Variants in ZNF341 observed in about 807,000 individuals in gnomAD.
The protein encoded by ZNF341 is zinc finger protein 341.
ZNF341 carries 52 observed loss-of-function variants against 87.7 expected under a neutral mutation model. That is an observed-to-expected ratio of 0.59 (90% CI 0.47 to 0.75). The LOEUF (loss-of-function observed/expected upper bound fraction) is 0.75. Ranked by LOEUF, ZNF341 falls within the 30% of genes least tolerant of loss-of-function variation. The pLI, the probability that ZNF341 is intolerant of heterozygous loss-of-function variation, is 0.00. For synonymous variants in ZNF341, 459 were observed against 472.7 expected (o/e 0.97, Z 0.38); for missense variants, 977 against 1,145.9 (o/e 0.85, Z 2.13).
At chr20:33,787,927 A>ACTCCTCTC (rs2019902225) in intron 12 of ZNF341, 1 of 151,434 alleles carries the variant, frequency 6.6e-6, no homozygotes, top group South Asian at 2.1e-4. Context: ...CTCATCCTTG[A>ACTCCTCTC]CTCCTCTCCT....
chr20:33,766,730 A>G lies in ZNF341; in HGVS notation c.1223-121A>G, dbSNP rs964410421. The G allele has an allele frequency of 6.7e-6, 7 of 1,045,696 alleles. No individual in the cohort carries two copies. In the African/African-American group the frequency reaches 9.5e-5, roughly 14 times the overall value. 64.8% of individuals were successfully genotyped at this position (1,045,696 alleles called of 1,614,324 possible). ...TGTGAGTGCAGCACCTTAAGCACAG[A>G]GTCTGACCCAAAGCGAGTAGCAGGT... On this transcript the variant is annotated intron_variant, in intron 8 of 14. Coordinates refer to ENST00000375200, the MANE Select transcript of ZNF341 (RefSeq NM_001282933.2).
At chr20:33,784,015 T>C in intron 12 of ZNF341, 151 bp downstream of exon 12, 1 of 658,172 alleles carries the variant, frequency 1.5e-6, no homozygotes, top group Non-Finnish European at 2.5e-6. Flanking sequence ...TCCCTCCCCA[T>C]CTCACTCAGT....
At chr20:33,749,258 C>G (rs562569897) in intron 4 of ZNF341, among the ~76,000 whole-genome samples, 186 bp downstream of exon 4, 1 of 152,140 alleles carries the variant, frequency 6.6e-6, no homozygotes, top group African/African-American at 2.4e-5. Flanking sequence ...GGTGGGGACC[C>G]AGAACATGTG....
intron 10 of ZNF341, 34 bp downstream of exon 10, chr20:33,770,326 A>G: frequency 3.4e-5 from 17 of 505,028 alleles, no homozygotes; most frequent in Non-Finnish European, 4.9e-5. Flanking sequence ...CCCTGGGTGG[A>G]CGGGTGGGTG....
At chr20:33,790,072 ATT>A (rs11470365) in intron 14 of ZNF341, among the ~76,000 whole-genome samples, 5,700 of 140,798 alleles carry the variant, frequency 0.04, 375 homozygotes, top group African/African-American at 0.14. Flanking sequence ...GGGCCAGATA[ATT>A]TTTTTTTTTT....
chr20:33,770,278 C>A lies in ZNF341; in HGVS notation c.1608C>A (p.Asp536Glu), dbSNP rs2019502187. Residue 536 changes from aspartate (D) to glutamate (E), a missense_variant, in exon 10 of 15, where the codon GAC becomes GAA. Physicochemically the swap from Asp to Glu is conservative, Grantham distance 45. Coordinates refer to ENST00000375200, the MANE Select transcript of ZNF341 (RefSeq NM_001282933.2). ...SLLPQHSPKK[D>E]NAVYKCVKCV... ...TGCCACAGCACAGCCCCAAGAAGGA[C>A]AATGCCGTCTACAAGTAAGTGCCTC... 2 of 1,360,592 alleles carry A rather than the reference C, an allele frequency of 1.5e-6. No individual in the cohort carries two copies. Among genetic ancestry groups the A allele is most frequent in the Admixed American group, 1.9e-5 (1 of 51,586 alleles). The allele number at this position is 1,360,592 out of a possible 1,614,324, so 84.3% of individuals were successfully genotyped here.
At chr20:33,751,830 A>G (rs971847834) in intron 4 of ZNF341, among the ~76,000 whole-genome samples, 1 of 151,976 alleles carries the variant, frequency 6.6e-6, no homozygotes, top group African/African-American at 2.4e-5. Flanking sequence ...CAGCCTCCCA[A>G]AGTGTTGAGA....
At position 33,753,287 on chromosome 20, in the gene ZNF341, A is replaced by G; in HGVS notation, c.605A>G (p.Gln202Arg). 1.2e-6 allele frequency: 2 copies of G among 1,611,908 alleles called. No individual in the cohort carries two copies. The highest frequency in any genetic ancestry group is 8.5e-7 in the Non-Finnish European group (1 of 1,179,470). The change falls in exon 5 of 15, where the codon CAG becomes CGG. Residue 202 changes from glutamine (Q) to arginine (R), a missense_variant. Gln to Arg is a conservative substitution (Grantham distance 43, BLOSUM62 1). Coordinates refer to ENST00000375200, the MANE Select transcript of ZNF341 (RefSeq NM_001282933.2). ...CCTCAGCCTCCACCACCTCCACCCCAGAGCCTGGGCCCCCCTGGGCGTCCC... is the reference window on the plus strand; with the variant it reads ...CCTCAGCCTCCACCACCTCCACCCCGGAGCCTGGGCCCCCCTGGGCGTCCC... ...PPPQPPPPPP[Q>R]SLGPPGRPNP...
chr20:33,762,447 A>G (rs1568945693), intron 8 of ZNF341, among the ~76,000 whole-genome samples: 1 of 150,246 alleles, frequency 6.7e-6, no homozygotes, highest in Non-Finnish European at 1.5e-5. Flanking sequence ...ACTATAAAAT[A>G]AAAATTTATG....
Position 33,789,512 on chromosome 20 carries a change from T to A in ZNF341, c.1965-6T>A. On this transcript the variant is annotated splice_polypyrimidine_tract_variant and splice_region_variant and intron_variant, in intron 13 of 14. Coordinates refer to ENST00000375200, the MANE Select transcript of ZNF341 (RefSeq NM_001282933.2). ...GCTCCCCCTGACCAGTGGCTTTGGG[T>A]TTTAGGACGCACACAGGCTGCAGTA... 1 of 1,613,344 alleles carries A rather than the reference T, an allele frequency of 6.2e-7. No homozygotes were observed. The highest frequency in any genetic ancestry group is 2.2e-5 in the East Asian group (1 of 44,822).
intron 5 of ZNF341, 24 bp from the exon 6 acceptor site, chr20:33,757,124 T>C: frequency 7.2e-7 from 1 of 1,380,256 alleles, no homozygotes; most frequent in Non-Finnish European, 9.5e-7. Context: ...CAGGGCTTTT[T>C]CCCTGACTGT....
chr20:33,780,591 A>G (rs985465406), intron 10 of ZNF341, among the ~76,000 whole-genome samples: 12 of 151,772 alleles, frequency 7.9e-5, no homozygotes, highest in Non-Finnish European at 1.8e-4. Context: ...TATTTTTAGT[A>G]GAGAGACGGG....
Position 33,791,760 on chromosome 20 carries a change from T to C in ZNF341, c.*243T>C, listed in dbSNP as rs1256166416. On this transcript the variant is annotated 3_prime_UTR_variant, in exon 15 of 15. Coordinates refer to ENST00000375200, the MANE Select transcript of ZNF341 (RefSeq NM_001282933.2). Reference sequence around the variant, plus strand: ...CATCCACGGTTTCTGGGCAGAGCCATGGTGGCAGGAGAGAGATGGCTGAAG... The same window carrying C: ...CATCCACGGTTTCTGGGCAGAGCCACGGTGGCAGGAGAGAGATGGCTGAAG... 1.5e-5 allele frequency: 7 copies of C among 469,490 alleles called. No homozygotes were observed. The highest frequency in any genetic ancestry group is 1.3e-4 in the African/African-American group (7 of 52,016). 29.1% of individuals were successfully genotyped at this position (469,490 alleles called of 1,614,324 possible). A position where few individuals can be genotyped will look rare whatever the true frequency, so the allele number is the denominator to read the frequency against.
chr20:33,766,946 C>A lies in ZNF341; in HGVS notation c.1318C>A (p.Leu440Ile). 6.2e-6 allele frequency: 10 copies of A among 1,614,180 alleles called. No homozygotes were observed. The highest frequency in any genetic ancestry group is 7.6e-6 in the Non-Finnish European group (9 of 1,180,032). Reference sequence around the variant, plus strand: ...CAAGCCGGAGTCCAAGCAGGTGGTCCTCATCGACAGCTCCTACCTGTGCCA... The same window carrying A: ...CAAGCCGGAGTCCAAGCAGGTGGTCATCATCGACAGCTCCTACCTGTGCCA... Reference protein sequence around the residue: ...GDKPESKQVVLIDSSYLCQFC... With the variant: ...GDKPESKQVVIIDSSYLCQFC... The change falls in exon 9 of 15, where the codon CTC (leucine) becomes ATC (isoleucine). Residue 440 changes from leucine to isoleucine, a missense_variant. This residue lies in a region of ZNF341 where 515 missense variants were observed against 598.2 expected (regional missense o/e 0.86). Transcript: ENST00000375200.
intron 6 of ZNF341, 24 bp from the exon 7 acceptor site, chr20:33,758,691 TC>T: frequency 6.2e-7 from 1 of 1,602,876 alleles, no homozygotes; most frequent in Non-Finnish European, 8.5e-7. Context: ...AGCCTCATTG[TC>T]CCCTCCTTCC....
At chr20:33,784,750 G>A (rs2019819156) in intron 12 of ZNF341, among the ~76,000 whole-genome samples, 1 of 151,942 alleles carries the variant, frequency 6.6e-6, no homozygotes, top group South Asian at 2.1e-4. Context: ...GAGTAGCTGG[G>A]ATTACAGGCT....
Position 33,766,929 on chromosome 20 carries a change from A to G in ZNF341, c.1301A>G (p.Glu434Gly). ...GGTGAGGAAGAGGGGGACAAGCCGGAGTCCAAGCAGGTGGTCCTCATCGAC... is the reference window on the plus strand; with the variant it reads ...GGTGAGGAAGAGGGGGACAAGCCGGGGTCCAAGCAGGTGGTCCTCATCGAC... ...TAGEEEGDKP[E>G]SKQVVLIDSS... The change falls in exon 9 of 15, where the codon GAG becomes GGG. Residue 434 changes from glutamate to glycine, a missense_variant. This residue lies in a region of ZNF341 where 515 missense variants were observed against 598.2 expected (regional missense o/e 0.86). Coordinates refer to ENST00000375200, the MANE Select transcript of ZNF341 (RefSeq NM_001282933.2). 6.2e-7 allele frequency: 1 copy of G among 1,614,208 alleles called. No homozygotes were observed. The highest frequency in any genetic ancestry group is 8.5e-7 in the Non-Finnish European group (1 of 1,180,032).
rs34260449 is a variant in ZNF341, at chr20:33,788,942, C to T, written c.1932C>T (p.His644=). ...KDKLKRHMLI[H]EPFKKYKCPF... is the part of the protein sequence containing the mutation. ...AACTGAAGAGACACATGTTGATCCA[C>T]GAGCCCTTCAAGAAATACAAATGCC... The change falls in exon 13 of 15, where the codon CAC becomes CAT. Residue 644 remains histidine (H), a synonymous_variant. Coordinates refer to ENST00000375200, the MANE Select transcript of ZNF341 (RefSeq NM_001282933.2). 31,406 of 1,613,978 alleles carry T rather than the reference C, an allele frequency of 0.019. 375 individuals are homozygous for T. Among genetic ancestry groups the T allele is most frequent in the Middle Eastern group, 0.036 (221 of 6,060 alleles).
At chr20:33,735,477 C>G (rs1416180516) in intron 1 of ZNF341, among the ~76,000 whole-genome samples, 1 of 152,044 alleles carries the variant, frequency 6.6e-6, no homozygotes, top group Admixed American at 6.6e-5. Context: ...TGCCAGGACA[C>G]CCAGCCAATT....
Sources: allele counts gnomAD v4.1 joint callset (sites outside exome capture counted in the v4.1 genomes callset), GRCh38; gene constraint gnomAD v4.1.1; regional missense constraint gnomAD v4.1.1; transcripts MANE v1.5; gene names NCBI Gene and HGNC (gene_info 2026-07-23, HGNC 2026-07-21).